The following PACS2 variants were observed in gnomAD, a reference collection of about 807,000 sequenced individuals.
The protein encoded by PACS2 is PACS1-like protein.
PACS2 carries 36 observed loss-of-function variants against 113.0 expected under a neutral mutation model. The observed-to-expected ratio is 0.32, with a 90% CI of 0.24 to 0.42. The LOEUF is 0.42. Among genes scored for constraint, PACS2 ranks in the 10% least tolerant of loss-of-function variants. PACS2 has a pLI of 1.00. For synonymous variants in PACS2, 589 were observed against 536.1 expected, an observed-to-expected ratio of 1.10 and a Z score of -1.36; for missense variants, 1,015 against 1,239.5, an observed-to-expected ratio of 0.82 and a Z score of 2.72.
At chr14:105,362,432 A>AAG (rs1273041925) in intron 4 of PACS2, among the ~76,000 whole-genome samples, 3 of 150,038 alleles carry the variant, frequency 2.0e-5, no homozygotes, top group African/African-American at 7.5e-5. Context: ...AAAAAAAAAG[A>AAG]AAAGAAAAAA....
intron 24 of PACS2, chr14:105,393,552 A>G: frequency 2.1e-6 from 1 of 479,148 alleles, no homozygotes; most frequent in Non-Finnish European, 3.6e-6. Flanking sequence ...CTTTTTAAAA[A>G]TAATGACTTG....
chr14:105,362,201 G>C (rs150813177), intron 4 of PACS2, among the ~76,000 whole-genome samples: 2 of 151,278 alleles, frequency 1.3e-5, no homozygotes, highest in Admixed American at 6.6e-5. Context: ...GGCGGATCAC[G>C]AGGTCAGGAG....
At chr14:105,341,300 G>A (rs1446510633) in intron 1 of PACS2, among the ~76,000 whole-genome samples, 2 of 152,174 alleles carry the variant, frequency 1.3e-5, no homozygotes, top group Non-Finnish European at 2.9e-5. Flanking sequence ...GATTCAAGTC[G>A]GCTCTTTTAT....
At chr14:105,338,163 T>C (rs1279794786) in intron 1 of PACS2, among the ~76,000 whole-genome samples, 1 of 152,144 alleles carries the variant, frequency 6.6e-6, no homozygotes, top group African/African-American at 2.4e-5. Context: ...TGCGGAGGAC[T>C]TCCAGCCTCC....
At chr14:105,383,897 T>C (rs1345170069) in intron 16 of PACS2, 1 of 281,782 alleles carries the variant, frequency 3.5e-6, no homozygotes, top group Non-Finnish European at 6.7e-6. Flanking sequence ...TCGTTATTAA[T>C]CCTCTCAAAT....
intron 24 of PACS2, chr14:105,394,330 A>C (rs1157529888): frequency 3.0e-6 from 3 of 985,108 alleles, no homozygotes; most frequent in Non-Finnish European, 3.6e-6. Context: ...CCCACCCCCC[A>C]GGGCTCTGAG....
rs1022157390 is a variant in PACS2, at chr14:105,315,817, C to T, written c.119+780C>T. On this transcript the variant is annotated intron_variant, in intron 1 of 24. Coordinates refer to ENST00000447393, the MANE Select transcript of PACS2 (RefSeq NM_001100913.3). The surrounding 1 kb of genome is among the most constrained non-coding windows in gnomAD (Gnocchi z 4.4). ...CTTGGTAGTTCCTGCTCAGGAAGCT[C>T]CCAGGCTAAGGAGGAGAGAGACACG... 6.6e-6 allele frequency among the ~76,000 whole-genome samples: 1 copy of T among 152,196 alleles called. No individual in the cohort carries two copies. Among genetic ancestry groups the T allele is most frequent in the African/African-American group, 2.4e-5 (1 of 41,456 alleles).
At chr14:105,385,806 G>A (rs587676918) in intron 19 of PACS2, 89 bp downstream of exon 19, 59 of 764,018 alleles carry the variant, frequency 7.7e-5, no homozygotes, top group Admixed American at 3.8e-4. Flanking sequence ...GAATCACCCC[G>A]CTGTCCTCTC....
At chr14:105,343,165 G>C (rs2059797370) in intron 1 of PACS2, among the ~76,000 whole-genome samples, 1 of 152,128 alleles carries the variant, frequency 6.6e-6, no homozygotes, top group Non-Finnish European at 1.5e-5. Flanking sequence ...GTGCCCTCTT[G>C]ACACGGGCGT....
Position 105,324,081 on chromosome 14 carries a change from C to T in PACS2, c.119+9044C>T, listed in dbSNP as rs1390656760. On this transcript the variant is annotated intron_variant, in intron 1 of 24. Transcript: ENST00000447393. This position sits in a 1 kb window ranked among gnomAD's most constrained non-coding sequence, Gnocchi z 4.7. ...AGATGGAGGGCAGGGGGCTACAGTG[C>T]CCTTGGACTAAAGGATGCTTTCCTT... is the stretch of plus-strand genomic sequence containing the variant. Among the ~76,000 whole-genome samples, 1 of 152,196 alleles carries T rather than the reference C, an allele frequency of 6.6e-6. No individual in the cohort carries two copies. Among genetic ancestry groups the T allele is most frequent in the African/African-American group, 2.4e-5 (1 of 41,450 alleles).
At chr14:105,327,548 CGCT>C (rs1434214398) in intron 1 of PACS2, among the ~76,000 whole-genome samples, 3 of 152,100 alleles carry the variant, frequency 2.0e-5, no homozygotes, top group East Asian at 1.9e-4. Context: ...CTGCCGCTAG[CGCT>C]CGGAGCCTGT....
Position 105,348,383 on chromosome 14 carries a change from C to T in PACS2, c.120-110C>T. 1.3e-6 allele frequency: 1 copy of T among 767,918 alleles called. No homozygotes were observed. Among genetic ancestry groups the T allele is most frequent in the Non-Finnish European group, 2.2e-6 (1 of 463,410 alleles). 47.6% of individuals were successfully genotyped at this position (767,918 alleles called of 1,614,324 possible). A position where few individuals can be genotyped will look rare whatever the true frequency, so the allele number is the denominator to read the frequency against. On this transcript the variant is annotated intron_variant, in intron 1 of 24. Coordinates refer to ENST00000447393, the MANE Select transcript of PACS2 (RefSeq NM_001100913.3). The surrounding 1 kb of genome is among the most constrained non-coding windows in gnomAD (Gnocchi z 6.4). ...GGCCGCCCAGGCAGTCACACCCCGCCCTGCACCCCAGGGTGCAGGCTCCCG... is the reference window on the plus strand; with the variant it reads ...GGCCGCCCAGGCAGTCACACCCCGCTCTGCACCCCAGGGTGCAGGCTCCCG...
rs1012713439 is a variant in PACS2, at chr14:105,323,930, C to T, written c.119+8893C>T. Among the ~76,000 whole-genome samples the T allele has an allele frequency of 3.9e-5, 6 of 152,210 alleles. No individual in the cohort carries two copies. Among genetic ancestry groups the T allele is most frequent in the Non-Finnish European group, 8.8e-5 (6 of 68,038 alleles). On this transcript the variant is annotated intron_variant, in intron 1 of 24. Coordinates refer to ENST00000447393, the MANE Select transcript of PACS2 (RefSeq NM_001100913.3). This position sits in a 1 kb window ranked among gnomAD's most constrained non-coding sequence, Gnocchi z 4.1. ...CGTGGCCTGCACGGTGCGTGCACAC[C>T]GCTCTGTCCGCGCAGGCTGTGCCCT...
At position 105,308,615 on chromosome 14, in the gene PACS2, T is replaced by A. The variant is rs1341826100; in HGVS notation, c.-83+7636T>A. ...CTCCTGCCTCAGCCTTCTGAGTAGC[T>A]GGGATTACAGGTATGAGCCACTGTG... On this transcript the variant is annotated intron_variant, in intron 1 of 23. Coordinates refer to the PACS2 transcript ENST00000430725. 3.3e-5 allele frequency among the ~76,000 whole-genome samples: 5 copies of A among 151,648 alleles called. No individual in the cohort carries two copies. In the South Asian group the frequency reaches 8.4e-4, roughly 25 times the overall value.
intron 1 of PACS2, among the ~76,000 whole-genome samples, chr14:105,339,195 C>T (rs1369706270): frequency 2.0e-5 from 3 of 152,128 alleles, no homozygotes; most frequent in Non-Finnish European, 4.4e-5. Context: ...CCACTCAGAG[C>T]GAGACCAGGT....
chr14:105,391,512 T>TTCCCCCCCCCCCCCCCC, intron 21 of PACS2, 119 bp from the exon 22 acceptor site: 3 of 611,300 alleles, frequency 4.9e-6, no homozygotes, highest in Non-Finnish European at 2.9e-6. Context: ...CACTGGGGAC[T>TTCCCCCCCCCCCCCCCC]CCCACCCTGC....
intron 4 of PACS2, among the ~76,000 whole-genome samples, chr14:105,360,098 A>G (rs1190954791): frequency 1.3e-5 from 2 of 152,196 alleles, no homozygotes; most frequent in African/African-American, 2.4e-5. Context: ...GTTCTAGGCC[A>G]CCCCAATAAA....
At chr14:105,384,170 G>A (rs192044670) in intron 16 of PACS2, 183 bp from the exon 17 acceptor site, 4 of 574,634 alleles carry the variant, frequency 7.0e-6, no homozygotes, top group South Asian at 4.0e-5. Flanking sequence ...CTCCTTCAGC[G>A]GGGCCACAGG....
At chr14:105,308,222 C>T (rs1456098147) in intron 1 of PACS2, among the ~76,000 whole-genome samples, 1 of 151,954 alleles carries the variant, frequency 6.6e-6, no homozygotes, top group Admixed American at 6.6e-5. Flanking sequence ...TGGCTCACAC[C>T]TGTTATCCCA....
Sources: allele counts gnomAD v4.1 joint callset (sites outside exome capture counted in the v4.1 genomes callset), GRCh38; gene constraint gnomAD v4.1.1; non-coding constraint Gnocchi (gnomAD v3.1); transcripts MANE v1.5; gene names NCBI Gene and HGNC (gene_info 2026-07-23, HGNC 2026-07-21).